Variants in RANBP2 observed in about 807,000 individuals in gnomAD.
RANBP2 encodes the protein E3 SUMO-protein ligase RanBP2.
In RANBP2, 57 loss-of-function variants were observed where a neutral mutation model predicts 303.6. The observed-to-expected ratio is 0.19, with a 90% CI of 0.15 to 0.23. The LOEUF (loss-of-function observed/expected upper bound fraction) is 0.23, where lower values mean the gene tolerates loss of function less well. Among genes scored for constraint, RANBP2 ranks in the 10% least tolerant of loss-of-function variants. The probability of loss-of-function intolerance (pLI) is 1.00; values close to 1 mark genes in which losing one functional copy is unlikely to be tolerated. For synonymous variants in RANBP2, 1,167 were observed against 1,301.5 expected (o/e 0.90, Z 2.23); for missense variants, 3,138 against 3,780.8 (o/e 0.83, Z 4.46).
chr2:109,148,631 A>G, the RANBP2 span, among the ~76,000 whole-genome samples: 1 of 151,962 alleles, frequency 6.6e-6, no homozygotes, highest in African/African-American at 2.4e-5. Flanking sequence ...GGCATTAGTC[A>G]GGCAGAAGCC....
chr2:109,517,609 C>G, the RANBP2 span, among the ~76,000 whole-genome samples: 3 of 152,234 alleles, frequency 2.0e-5, no homozygotes, highest in Non-Finnish European at 4.4e-5. Context: ...CCCTTCACAG[C>G]TCAGCAGGGG....
chr2:108,853,011 C>A, the RANBP2 span, among the ~76,000 whole-genome samples: 3 of 152,206 alleles, frequency 2.0e-5, no homozygotes, highest in Non-Finnish European at 4.4e-5. Flanking sequence ...ATGCATTCTG[C>A]TCACAAACAT....
At chr2:109,136,156 T>C in the RANBP2 span, among the ~76,000 whole-genome samples, 1 of 152,174 alleles carries the variant, frequency 6.6e-6, no homozygotes, top group Non-Finnish European at 1.5e-5. Context: ...TTGTTTCTAG[T>C]GTGCATTTCC....
At chr2:109,436,747 C>T in the RANBP2 span, 92 of 1,267,450 alleles carry the variant, frequency 7.3e-5, no homozygotes, top group South Asian at 5.3e-4. Flanking sequence ...TGCCCAGTGA[C>T]GGGCATTGTT....
Position 108,775,830 on chromosome 2 carries a change from T to C in RANBP2, c.8391T>C (p.Asp2797=), listed in dbSNP as rs1221185646. 1 of 1,613,860 alleles carries C rather than the reference T, an allele frequency of 6.2e-7. No individual in the cohort carries two copies. The highest frequency in any genetic ancestry group is 1.1e-5 in the South Asian group (1 of 91,088). ...CTTTCTGTAAATCTGAAGAACCTGATTCTATTACCAAATCCATTAGTTCAC... is the reference window on the plus strand; with the variant it reads ...CTTTCTGTAAATCTGAAGAACCTGACTCTATTACCAAATCCATTAGTTCAC... ...VPSFCKSEEP[D]SITKSISSPS... is the part of the protein sequence containing the mutation. Residue 2797 remains aspartate, a synonymous_variant, in exon 24 of 29, where the codon GAT becomes GAC. Transcript: ENST00000283195.
chr2:109,421,279 C>A, the RANBP2 span, among the ~76,000 whole-genome samples: 1 of 152,290 alleles, frequency 6.6e-6, no homozygotes, highest in African/African-American at 2.4e-5. Flanking sequence ...AGGGCAAAGC[C>A]CAGATGTGTT....
the RANBP2 span, among the ~76,000 whole-genome samples, chr2:109,033,638 T>G: frequency 2.0e-5 from 3 of 152,094 alleles, no homozygotes; most frequent in Non-Finnish European, 4.4e-5. Flanking sequence ...TGTGTTGATC[T>G]GGTGAGTTTC....
chr2:108,856,498 C>T, the RANBP2 span, among the ~76,000 whole-genome samples: 2 of 152,084 alleles, frequency 1.3e-5, no homozygotes, highest in Non-Finnish European at 2.9e-5. Context: ...AATAAACATT[C>T]GTGATACTAA....
the RANBP2 span, among the ~76,000 whole-genome samples, chr2:108,792,343 T>C: frequency 6.6e-5 from 10 of 152,244 alleles, no homozygotes; most frequent in Non-Finnish European, 1.3e-4. Flanking sequence ...CCCATTATTC[T>C]CATCATTTGA....
At chr2:109,578,225 T>C in the RANBP2 span, among the ~76,000 whole-genome samples, 11 of 152,080 alleles carry the variant, frequency 7.2e-5, no homozygotes, top group East Asian at 7.7e-4. Context: ...AATTACACGA[T>C]CAAATAAAGG....
chr2:109,740,236 C>T, the RANBP2 span, among the ~76,000 whole-genome samples: 2 of 151,902 alleles, frequency 1.3e-5, no homozygotes, highest in African/African-American at 2.4e-5. Flanking sequence ...ATCCGCCTGC[C>T]TCGGCCTCCC....
At chr2:109,053,173 C>G in the RANBP2 span, among the ~76,000 whole-genome samples, 2 of 152,242 alleles carry the variant, frequency 1.3e-5, no homozygotes, top group African/African-American at 4.8e-5. Context: ...TACACCTCAT[C>G]TGTCTGCACA....
Position 108,764,282 on chromosome 2 carries a change from T to G in RANBP2, c.3743T>G (p.Ile1248Ser). 1 of 1,613,930 alleles carries G rather than the reference T, an allele frequency of 6.2e-7. No individual in the cohort carries two copies. The highest frequency in any genetic ancestry group is 8.5e-7 in the Non-Finnish European group (1 of 1,179,998). ...QVLKICANHY[I>S]SPDMKLTPNA... is the part of the protein sequence containing the mutation. ...TTGAAAATCTGTGCAAATCATTACA[T>G]CAGTCCAGATATGAAATTGACACCA... The change falls in exon 20 of 29, where the codon ATC (isoleucine) becomes AGC (serine). Residue 1248 changes from isoleucine (I) to serine (S), a missense_variant. Ile to Ser is a moderately radical substitution (Grantham distance 142). Coordinates refer to ENST00000283195, the MANE Select transcript of RANBP2 (RefSeq NM_006267.5).
At chr2:109,659,707 A>G in the RANBP2 span, among the ~76,000 whole-genome samples, 1 of 152,242 alleles carries the variant, frequency 6.6e-6, no homozygotes, top group Non-Finnish European at 1.5e-5. Context: ...GGGGGGCTCC[A>G]GATGAGGTAT....
intron 1 of RANBP2, among the ~76,000 whole-genome samples, chr2:108,721,204 C>T (rs1694218301): frequency 6.6e-6 from 1 of 152,182 alleles, no homozygotes; most frequent in Admixed American, 6.5e-5. Flanking sequence ...ATTTAAGATA[C>T]TTGTTCAGGG....
chr2:109,634,057 T>C, the RANBP2 span, among the ~76,000 whole-genome samples: 1 of 125,026 alleles, frequency 8.0e-6, no homozygotes, highest in Non-Finnish European at 1.6e-5. Flanking sequence ...GAAGCGGAGG[T>C]TGCAGTGAGC....
the RANBP2 span, among the ~76,000 whole-genome samples, chr2:109,437,555 A>G: frequency 6.6e-6 from 1 of 152,152 alleles, no homozygotes; most frequent in Non-Finnish European, 1.5e-5. Context: ...TGGGCCGGCC[A>G]CGTGGGTCTT....
chr2:108,974,250 A>G, the RANBP2 span, among the ~76,000 whole-genome samples: 6 of 145,506 alleles, frequency 4.1e-5, no homozygotes, highest in Non-Finnish European at 6.0e-5. Context: ...GAATGGCATG[A>G]ACCCGGGAGG....
chr2:108,829,437 T>TAACACC, the RANBP2 span, among the ~76,000 whole-genome samples: 1 of 152,190 alleles, frequency 6.6e-6, no homozygotes, highest in African/African-American at 2.4e-5. Flanking sequence ...AGATACCACT[T>TAACACC]AACACCTATT....
Sources: gnomAD v4.1 joint callset for allele counts (sites outside exome capture counted in the v4.1 genomes callset) on GRCh38, gnomAD v4.1.1 for gene constraint, MANE v1.5 for transcripts, NCBI Gene and HGNC (gene_info 2026-07-23, HGNC 2026-07-21) for gene names.